IQGAP1: variants seen among roughly 807,000 people sequenced by gnomAD.
IQGAP1 encodes the protein ras GTPase-activating-like protein IQGAP1.
A neutral mutation model predicts 215.6 loss-of-function variants in IQGAP1; 66 were observed. The observed-to-expected ratio is 0.31, with a 90% confidence interval of 0.25 to 0.38. IQGAP1 has a LOEUF of 0.38. IQGAP1 is among the 10% of genes least tolerant of loss of function. The probability of loss-of-function intolerance (pLI) is 1.00; values close to 1 mark genes in which losing one functional copy is unlikely to be tolerated. For synonymous variants in IQGAP1, 772 were observed against 728.7 expected, an observed-to-expected ratio of 1.06 and a Z score of -0.96; for missense variants, 1,712 against 1,997.1, an observed-to-expected ratio of 0.86 and a Z score of 2.72.
chr15:90,398,702 A>G (rs1231795411), intron 2 of IQGAP1, among the ~76,000 whole-genome samples: 3 of 152,062 alleles, frequency 2.0e-5, no homozygotes, highest in Admixed American at 6.5e-5. Flanking sequence ...CTATATTACA[A>G]TAAAGTATTA....
At chr15:90,478,864 A>G (rs952670262) in intron 26 of IQGAP1, among the ~76,000 whole-genome samples, 2 of 152,236 alleles carry the variant, frequency 1.3e-5, no homozygotes, top group African/African-American at 2.4e-5. Flanking sequence ...GAGTTGGGCT[A>G]ATTAAATTAA....
intron 2 of IQGAP1, among the ~76,000 whole-genome samples, chr15:90,416,141 G>C (rs922855605): frequency 2.0e-5 from 3 of 152,146 alleles, no homozygotes; most frequent in African/African-American, 7.2e-5. Flanking sequence ...ATTTACATTA[G>C]GTATGTCTCC....
chr15:90,462,497 T>A (rs1368516689), intron 15 of IQGAP1, among the ~76,000 whole-genome samples: 1 of 152,210 alleles, frequency 6.6e-6, no homozygotes, highest in Non-Finnish European at 1.5e-5. Flanking sequence ...TGTGTATGTG[T>A]GTTTATGTGT....
rs1265704590 is a variant in IQGAP1, at chr15:90,483,546, C to T, written c.3741C>T (p.His1247=). Residue 1247 remains histidine, a synonymous_variant, in exon 29 of 38, where the codon CAC becomes CAT. Coordinates refer to ENST00000268182, the MANE Select transcript of IQGAP1 (RefSeq NM_003870.4). ...AGATGTTTCTGGGAGATAATGCCCA[C>T]TTAAGCATCATTAATGAATATCTTT... The part of the protein sequence containing the change: ...SNKMFLGDNA[H]LSIINEYLSQ... The T allele has an allele frequency of 1.9e-6, 3 of 1,614,008 alleles. No homozygotes were observed. The highest frequency in any genetic ancestry group is 1.1e-5 in the South Asian group (1 of 91,074).
rs147204739 is a variant in IQGAP1 at position 90,453,182 on chromosome 15, G to A, written c.1377G>A (p.Ser459=). ...ELSVAVEMLS[S]VALINRALES... is the part of the protein sequence containing the mutation. ...CTGTCGCAGTGGAGATGTTGTCATCGGTGGCCCTGATCAACAGGGCATTGG... is the reference window on the plus strand; with the variant it reads ...CTGTCGCAGTGGAGATGTTGTCATCAGTGGCCCTGATCAACAGGGCATTGG... Residue 459 remains serine, a synonymous_variant, in exon 13 of 38, where the codon TCG becomes TCA. Transcript: ENST00000268182. 1.1e-5 allele frequency: 18 copies of A among 1,613,776 alleles called. No individual in the cohort carries two copies. In the Middle Eastern group the frequency reaches 6.6e-4, roughly 59 times the overall value.
chr15:90,444,249 G>C (rs1381337055), intron 9 of IQGAP1, among the ~76,000 whole-genome samples: 5 of 107,080 alleles, frequency 4.7e-5, no homozygotes, highest in Non-Finnish European at 6.8e-5. Context: ...AAAACTGTGT[G>C]TGTGTGTGTG....
chr15:90,418,262 A>C (rs1965081557), intron 2 of IQGAP1, among the ~76,000 whole-genome samples: 1 of 152,084 alleles, frequency 6.6e-6, no homozygotes, highest in Non-Finnish European at 1.5e-5. Context: ...AAAAAACTTT[A>C]AAAAATAGAA....
chr15:90,478,090 T>G (rs1966005904), intron 26 of IQGAP1, among the ~76,000 whole-genome samples: 6 of 152,086 alleles, frequency 3.9e-5, no homozygotes, highest in Admixed American at 3.9e-4. Context: ...CTCCCAGGTC[T>G]AAGCAATTCT....
At chr15:90,393,057 T>A (rs1480188550) in intron 2 of IQGAP1, among the ~76,000 whole-genome samples, 2 of 151,884 alleles carry the variant, frequency 1.3e-5, no homozygotes, top group Non-Finnish European at 2.9e-5. Context: ...ATCATTTTTT[T>A]AACTATGGTT....
intron 2 of IQGAP1, among the ~76,000 whole-genome samples, chr15:90,409,643 G>T (rs920265015): frequency 1.3e-5 from 2 of 152,150 alleles, no homozygotes; most frequent in Non-Finnish European, 2.9e-5. Context: ...CCAAAATGCT[G>T]GGATTGCAAG....
In IQGAP1 at chr15:90,492,719, T is replaced by C. The variant is rs1479390728; in HGVS notation, c.4628+8T>C. ...CTTAGCCAGCAAGGGCAAGTGAGTA[T>C]TTTTTCTTTTTAAAGAATCAATGTC... On this transcript the variant is annotated splice_region_variant and intron_variant, in intron 35 of 37. Coordinates refer to ENST00000268182, the MANE Select transcript of IQGAP1 (RefSeq NM_003870.4). 6.3e-7 allele frequency: 1 copy of C among 1,596,306 alleles called. No homozygotes were observed. Among genetic ancestry groups the C allele is most frequent in the Admixed American group, 1.8e-5 (1 of 55,144 alleles).
chr15:90,474,739 T>G (rs899951078), intron 23 of IQGAP1, 46 bp downstream of exon 23: 8 of 1,395,478 alleles, frequency 5.7e-6, no homozygotes, highest in Non-Finnish European at 7.1e-6. Context: ...TCATCCTGCT[T>G]TGTAACCCCT....
chr15:90,433,874 A>G, intron 5 of IQGAP1, 79 bp downstream of exon 5: 1 of 783,040 alleles, frequency 1.3e-6, no homozygotes, highest in South Asian at 2.0e-5. Context: ...TCCTTGAGGT[A>G]AGAATGAAAA....
intron 26 of IQGAP1, among the ~76,000 whole-genome samples, chr15:90,480,447 A>G (rs565944688): frequency 2.0e-5 from 3 of 152,196 alleles, no homozygotes; most frequent in South Asian, 2.1e-4. Context: ...TCTATCACCA[A>G]CGTTTTTTAG....
chr15:90,419,924 G>A (rs1965109129), intron 2 of IQGAP1, among the ~76,000 whole-genome samples: 1 of 152,198 alleles, frequency 6.6e-6, no homozygotes, highest in Non-Finnish European at 1.5e-5. Flanking sequence ...CAGAGATGAT[G>A]TCTAACACTG....
At chr15:90,487,826 A>G (rs575310241) in intron 33 of IQGAP1, among the ~76,000 whole-genome samples, 3 of 152,250 alleles carry the variant, frequency 2.0e-5, no homozygotes, top group East Asian at 1.9e-4. Context: ...CCCATCCCGT[A>G]TATCCATCCC....
intron 31 of IQGAP1, chr15:90,486,348 A>G (rs763329985): frequency 1.2e-4 from 45 of 369,808 alleles, no homozygotes; most frequent in Non-Finnish European, 1.9e-4. Context: ...GTCAGAGGAA[A>G]AGATCATTTT....
At chr15:90,460,146 T>G (rs185894913) in intron 15 of IQGAP1, among the ~76,000 whole-genome samples, 36 of 152,232 alleles carry the variant, frequency 2.4e-4, no homozygotes, top group African/African-American at 8.4e-4. Flanking sequence ...TAGAGTGAAG[T>G]GGAAGCAAGT....
In IQGAP1 at chr15:90,482,300, G is replaced by A; in HGVS notation, c.3555+19G>A. On this transcript the variant is annotated intron_variant, in intron 28 of 37. Transcript: ENST00000268182. ...GCTGAAGGTAAGAATCTCATAGCCG[G>A]CAGACTCCTGCCCTTTGAGGACAAA... 6.2e-7 allele frequency: 1 copy of A among 1,610,538 alleles called. No individual in the cohort carries two copies. The highest frequency in any genetic ancestry group is 2.2e-5 in the East Asian group (1 of 44,882).
Sources: allele counts gnomAD v4.1 joint callset (sites outside exome capture counted in the v4.1 genomes callset), GRCh38; gene constraint gnomAD v4.1.1; transcripts MANE v1.5; gene names NCBI Gene and HGNC (gene_info 2026-07-23, HGNC 2026-07-21).